LCLAT1: variants seen among roughly 807,000 people sequenced by gnomAD.
LCLAT1 encodes 1-AGP acyltransferase 8.
In LCLAT1, 11 loss-of-function variants were observed where a neutral mutation model predicts 30.7. The observed-to-expected ratio is 0.36, with a 90% CI of 0.23 to 0.59. The LOEUF is 0.59. Among genes scored for constraint, LCLAT1 ranks in the 20% least tolerant of loss-of-function variants. The pLI is 0.77. For missense variants in LCLAT1, 402 were observed against 458.6 expected (o/e 0.88, Z 1.13); for synonymous variants, 155 against 151.3 (o/e 1.02, Z -0.18).
At chr2:30,512,798 A>G (rs928257440) in intron 1 of LCLAT1, among the ~76,000 whole-genome samples, 2 of 152,180 alleles carry the variant, frequency 1.3e-5, no homozygotes, top group African/African-American at 2.4e-5. Context: ...GTATTTCATA[A>G]TAAATGTTAA....
At chr2:30,546,509 T>C (rs1303085695) in intron 3 of LCLAT1, among the ~76,000 whole-genome samples, 1 of 152,188 alleles carries the variant, frequency 6.6e-6, no homozygotes, top group Non-Finnish European at 1.5e-5. Context: ...TACAGTGATA[T>C]GGGAATTGGA....
At chr2:30,564,146 G>C (rs1181653029) in intron 4 of LCLAT1, among the ~76,000 whole-genome samples, 1 of 152,044 alleles carries the variant, frequency 6.6e-6, no homozygotes, top group Admixed American at 6.5e-5. Context: ...ATAAGTGACA[G>C]GTGGCCATAT....
intron 1 of LCLAT1, among the ~76,000 whole-genome samples, chr2:30,517,656 A>G (rs1685245704): frequency 6.6e-6 from 1 of 152,226 alleles, no homozygotes; most frequent in Admixed American, 6.5e-5. Flanking sequence ...GCAACGAGCA[A>G]ATGTCCTTCT....
In LCLAT1 at chr2:30,640,183, A is replaced by G. The variant is rs1669226406; in HGVS notation, c.695A>G (p.Lys232Arg). Residue 232 changes from lysine (K) to arginine (R), a missense_variant, in exon 6 of 6, where the codon AAG becomes AGG. By Grantham distance (26) the Lys-to-Arg change is conservative (BLOSUM62 2). Transcript: ENST00000379509. ...AYPHNIPQSE[K>R]HLLQGDFPRE... ...CCTCACAACATTCCTCAATCAGAGA[A>G]GCACCTCCTCCAAGGAGACTTTCCC... 6.2e-7 allele frequency: 1 copy of G among 1,614,174 alleles called. No homozygotes were observed. Among genetic ancestry groups the G allele is most frequent in the Non-Finnish European group, 8.5e-7 (1 of 1,180,016 alleles).
chr2:30,483,898 A>T lies in LCLAT1; in HGVS notation c.-5+36515A>T, dbSNP rs1042224784. On this transcript the variant is annotated intron_variant, in intron 1 of 5. Coordinates refer to ENST00000379509, the MANE Select transcript of LCLAT1 (RefSeq NM_001002257.3). ...CCTGACTTTTAGGCCCCAGTTTGCC[A>T]CTAAATAGTTCAGTGATTTGGGGCA... 3.3e-5 allele frequency among the ~76,000 whole-genome samples: 5 copies of T among 152,210 alleles called. No homozygotes were observed. In the East Asian group the frequency reaches 5.8e-4, roughly 18 times the overall value.
chr2:30,542,609 TAA>T lies in LCLAT1; in HGVS notation c.364+9296_364+9297del, dbSNP rs1558508468. Among the ~76,000 whole-genome samples, 3 of 152,268 alleles carry T rather than the reference TAA, an allele frequency of 2.0e-5. No individual in the cohort carries two copies. In the East Asian group the frequency reaches 5.8e-4, roughly 29 times the overall value. ...TTTCCTCTCCATTAAAATTTTAAAA[TAA>T]GTTTGGTAATTTCTTCAAAAATTCC... On this transcript the variant is annotated intron_variant, in intron 3 of 5. Coordinates refer to ENST00000379509, the MANE Select transcript of LCLAT1 (RefSeq NM_001002257.3).
chr2:30,483,434 A>T (rs72856611), intron 1 of LCLAT1, among the ~76,000 whole-genome samples: 2,041 of 152,308 alleles, frequency 0.013, 34 homozygotes, highest in African/African-American at 0.046. Context: ...CACGCTTAGT[A>T]ACTCTGATTA....
At chr2:30,604,526 C>T (rs1243623493) in intron 5 of LCLAT1, among the ~76,000 whole-genome samples, 1 of 151,936 alleles carries the variant, frequency 6.6e-6, no homozygotes, top group African/African-American at 2.4e-5. Flanking sequence ...ATTTAAATTT[C>T]ATAGGACTTT....
At chr2:30,591,045 A>G (rs1370986783) in intron 5 of LCLAT1, among the ~76,000 whole-genome samples, 1 of 152,132 alleles carries the variant, frequency 6.6e-6, no homozygotes, top group Non-Finnish European at 1.5e-5. Context: ...ATCAGTTTGT[A>G]TAACTGAAAT....
intron 5 of LCLAT1, among the ~76,000 whole-genome samples, chr2:30,629,033 GACAA>G (rs1481778247): frequency 2.6e-5 from 4 of 152,262 alleles, no homozygotes; most frequent in Middle Eastern, 3.4e-3. Context: ...ACTAGATAGA[GACAA>G]ACAACTTATA....
At chr2:30,611,971 G>C (rs1398176126) in intron 5 of LCLAT1, among the ~76,000 whole-genome samples, 2 of 152,070 alleles carry the variant, frequency 1.3e-5, no homozygotes, top group Non-Finnish European at 2.9e-5. Flanking sequence ...TTTTCAAGCT[G>C]GTGGGACTCC....
intron 3 of LCLAT1, among the ~76,000 whole-genome samples, chr2:30,555,720 T>G (rs1572618903): frequency 1.3e-5 from 2 of 152,016 alleles, no homozygotes; most frequent in Admixed American, 6.6e-5. Context: ...TTTAAATACA[T>G]TTGTCAAAAA....
At chr2:30,635,120 C>G (rs369913481) in intron 5 of LCLAT1, among the ~76,000 whole-genome samples, 2 of 152,130 alleles carry the variant, frequency 1.3e-5, no homozygotes, top group East Asian at 3.9e-4. Flanking sequence ...TCAAGACAGG[C>G]CAGAAGTGGT....
chr2:30,618,592 A>G (rs1299910154), intron 5 of LCLAT1, among the ~76,000 whole-genome samples: 2 of 152,208 alleles, frequency 1.3e-5, no homozygotes, highest in Non-Finnish European at 2.9e-5. Context: ...GAGGGAGAAG[A>G]GATAACTATT....
At chr2:30,511,713 C>T (rs1684949132) in intron 1 of LCLAT1, among the ~76,000 whole-genome samples, 1 of 152,152 alleles carries the variant, frequency 6.6e-6, no homozygotes, top group African/African-American at 2.4e-5. Context: ...GAGTGGTGAC[C>T]ATGCCCTAAA....
rs1050072086 is a variant in LCLAT1 at position 30,608,348 on chromosome 2, G to A, written c.629-31769G>A. Among the ~76,000 whole-genome samples, 34 of 151,610 alleles carry A rather than the reference G, an allele frequency of 2.2e-4. 1 individual carries two copies. The highest frequency in any genetic ancestry group is 3.4e-3 in the Middle Eastern group (1 of 294). The stretch of plus-strand genomic sequence containing the variant: ...GTTTAGAGTAAAAAAGTTACAGTAA[G>A]CTAAGGTTAATTTATTATTGATGAA... On this transcript the variant is annotated intron_variant, in intron 5 of 5. Transcript: ENST00000379509.
chr2:30,520,919 C>T (rs1685440224), intron 1 of LCLAT1, among the ~76,000 whole-genome samples: 1 of 152,150 alleles, frequency 6.6e-6, no homozygotes, highest in South Asian at 2.1e-4. Flanking sequence ...ACAAATCCAT[C>T]TTAAATAGGA....
intron 2 of LCLAT1, among the ~76,000 whole-genome samples, chr2:30,530,546 ATTG>A (rs905330474): frequency 3.3e-4 from 50 of 152,102 alleles, no homozygotes; most frequent in Middle Eastern, 3.4e-3. Context: ...CATGGTCTTG[ATTG>A]TTGTTGTTGT....
rs111930727 is a variant in LCLAT1 at position 30,571,664 on chromosome 2, G to T, written c.628+3488G>T. The stretch of plus-strand genomic sequence containing the variant: ...TTTGAACAGCCAGCATGTTTTAGGA[G>T]GCAAGGAAGAAAGACAGACAAATTA... On this transcript the variant is annotated intron_variant, in intron 5 of 5. Coordinates refer to ENST00000379509, the MANE Select transcript of LCLAT1 (RefSeq NM_001002257.3). Among the ~76,000 whole-genome samples the T allele has an allele frequency of 9.1e-3, 1,389 of 152,214 alleles. 24 individuals carry two copies. Among genetic ancestry groups the T allele is most frequent in the African/African-American group, 0.032 (1,341 of 41,538 alleles).
Sources: gnomAD v4.1 joint callset for allele counts (sites outside exome capture counted in the v4.1 genomes callset) on GRCh38, gnomAD v4.1.1 for gene constraint, MANE v1.5 for transcripts, NCBI Gene and HGNC (gene_info 2026-07-23, HGNC 2026-07-21) for gene names.